Variants in RGS6 observed in about 807,000 individuals in gnomAD.
The protein encoded by RGS6 is regulator of G-protein signaling 6.
Under a neutral mutation model 78.5 loss-of-function variants are expected in RGS6, and 30 were observed. That is an observed-to-expected ratio of 0.38 (90% CI 0.29 to 0.52). RGS6 has a LOEUF of 0.52. Among genes scored for constraint, RGS6 ranks in the 20% least tolerant of loss-of-function variants. RGS6 has a pLI of 0.85. For synonymous variants in RGS6, 206 were observed against 206.0 expected (o/e 1.00, Z 0.00); for missense variants, 495 against 609.7 (o/e 0.81, Z 1.98).
the RGS6 span, among the ~76,000 whole-genome samples, chr14:72,581,183 T>C: frequency 6.6e-6 from 1 of 152,140 alleles, no homozygotes. Context: ...TCTAGGCCAC[T>C]TAGTGGATCT....
rs185461125 is a variant in RGS6, at chr14:71,974,739, A to G, written c.84+9864A>G. On this transcript the variant is annotated intron_variant, in intron 2 of 17. Transcript: ENST00000553525. ...GGTTTACTCAAAAGTGATTTTTTCC[A>G]TTGCTCTTTATTATTTTCTGCATCT... is the stretch of plus-strand genomic sequence containing the variant. Among the ~76,000 whole-genome samples the G allele has an allele frequency of 2.0e-5, 3 of 152,280 alleles. No individual in the cohort carries two copies. The East Asian group carries it at 5.8e-4, about 29-fold the overall frequency.
chr14:72,216,752 TTCTC>T (rs1327011287), intron 2 of RGS6, among the ~76,000 whole-genome samples: 2 of 152,076 alleles, frequency 1.3e-5, no homozygotes, highest in Non-Finnish European at 2.9e-5. Flanking sequence ...AGGTGTGTGT[TTCTC>T]TCTCTCTGGT....
At chr14:71,876,629 G>A in the RGS6 span, among the ~76,000 whole-genome samples, 68 of 151,470 alleles carry the variant, frequency 4.5e-4, no homozygotes, top group East Asian at 2.7e-3. Context: ...CTCTTTATCC[G>A]ATTTGCCAGT....
At position 72,565,339 on chromosome 14, in the gene RGS6, T is replaced by A. The variant is rs1262504638; in HGVS notation, c.*2872T>A. 2 of 152,138 alleles carry A rather than the reference T, an allele frequency of 1.3e-5. No individual in the cohort carries two copies. Among genetic ancestry groups the A allele is most frequent in the African/African-American group, 4.8e-5 (2 of 41,388 alleles). 9.4% of individuals were successfully genotyped at this position (152,138 alleles called of 1,614,324 possible). ...AAGGCACCAGGCACTGGCATCTGAC[T>A]AAAATAACCTTTCCCTACATGGGAA... On this transcript the variant is annotated 3_prime_UTR_variant, in exon 18 of 18. Transcript: ENST00000553525.
intron 14 of RGS6, 116 bp downstream of exon 14, chr14:72,510,395 C>G: frequency 1.5e-6 from 2 of 1,334,468 alleles, no homozygotes; most frequent in Non-Finnish European, 1.1e-6. Flanking sequence ...ATTCAAATGC[C>G]AGCTAATCTG....
At chr14:72,132,649 ACT>A (rs543349226) in intron 2 of RGS6, among the ~76,000 whole-genome samples, 4 of 147,702 alleles carry the variant, frequency 2.7e-5, no homozygotes, top group Non-Finnish European at 4.5e-5. Flanking sequence ...CACTTCACAC[ACT>A]CTTTTTTTTT....
intron 2 of RGS6, chr14:71,990,835 C>G (rs56775021): frequency 2.2e-6 from 1 of 456,058 alleles, no homozygotes; most frequent in African/African-American, 2.0e-5. Flanking sequence ...ACAAACATAA[C>G]AGGTAGAACA....
At chr14:72,001,497 C>G (rs968940525) in intron 2 of RGS6, among the ~76,000 whole-genome samples, 1 of 150,816 alleles carries the variant, frequency 6.6e-6, no homozygotes, top group Non-Finnish European at 1.5e-5. Context: ...CACACACACA[C>G]ACACACACAC....
chr14:72,108,655 T>G (rs1480226007), intron 2 of RGS6, among the ~76,000 whole-genome samples: 2 of 152,068 alleles, frequency 1.3e-5, no homozygotes, highest in Non-Finnish European at 2.9e-5. Flanking sequence ...CCTTCTACTT[T>G]TGAAGTTATT....
At chr14:71,968,066 A>G (rs1343214457) in intron 2 of RGS6, among the ~76,000 whole-genome samples, 2 of 152,196 alleles carry the variant, frequency 1.3e-5, no homozygotes, top group African/African-American at 4.8e-5. Flanking sequence ...TATTGGTCAC[A>G]TTAAAGATCT....
At chr14:72,020,215 T>C (rs2088086652) in intron 2 of RGS6, among the ~76,000 whole-genome samples, 1 of 152,242 alleles carries the variant, frequency 6.6e-6, no homozygotes, top group Non-Finnish European at 1.5e-5. Context: ...AGTGAGCTCT[T>C]GTGAACTCTG....
At chr14:72,507,047 T>C (rs1484338959) in intron 13 of RGS6, among the ~76,000 whole-genome samples, 1 of 139,482 alleles carries the variant, frequency 7.2e-6, no homozygotes, top group Non-Finnish European at 1.5e-5. Flanking sequence ...CGGGTGCCTG[T>C]AGTCCCAGCT....
chr14:72,331,976 G>A (rs561709323), intron 2 of RGS6, among the ~76,000 whole-genome samples: 4 of 152,300 alleles, frequency 2.6e-5, no homozygotes, highest in South Asian at 2.1e-4. Flanking sequence ...TAAATGATGT[G>A]TAAAATCACC....
At chr14:71,997,074 A>G (rs1357830914) in intron 2 of RGS6, among the ~76,000 whole-genome samples, 2 of 146,366 alleles carry the variant, frequency 1.4e-5, no homozygotes, top group African/African-American at 5.0e-5. Context: ...TATTGCAGCA[A>G]TCTTGAGAGA....
At chr14:72,080,449 G>A (rs990973537) in intron 2 of RGS6, among the ~76,000 whole-genome samples, 1 of 152,030 alleles carries the variant, frequency 6.6e-6, no homozygotes, top group African/African-American at 2.4e-5. Context: ...ATTATGATTT[G>A]CAAATATATT....
At chr14:71,953,717 C>A (rs937344328) in intron 1 of RGS6, among the ~76,000 whole-genome samples, 1 of 151,884 alleles carries the variant, frequency 6.6e-6, no homozygotes, top group African/African-American at 2.4e-5. Flanking sequence ...TTCTTTTAGA[C>A]CAATTATGAA....
At chr14:72,489,933 T>C (rs2096555666) in intron 12 of RGS6, among the ~76,000 whole-genome samples, 1 of 152,226 alleles carries the variant, frequency 6.6e-6, no homozygotes, top group Admixed American at 6.5e-5. Context: ...CCATTTCTTT[T>C]ATAAAGAATT....
At chr14:72,052,962 TTTC>T (rs1293668317) in intron 2 of RGS6, among the ~76,000 whole-genome samples, 21 of 42,814 alleles carry the variant, frequency 4.9e-4, no homozygotes, top group African/African-American at 1.1e-3. Flanking sequence ...TCTTTCTTTC[TTTC>T]TTTCTTTCTT....
At chr14:72,597,685 A>T in the RGS6 span, among the ~76,000 whole-genome samples, 1 of 152,220 alleles carries the variant, frequency 6.6e-6, no homozygotes, top group Non-Finnish European at 1.5e-5. Context: ...AGATCAGGGT[A>T]ATCCATCATC....
Sources: gnomAD v4.1 joint callset for allele counts (sites outside exome capture counted in the v4.1 genomes callset) on GRCh38, gnomAD v4.1.1 for gene constraint, MANE v1.5 for transcripts, NCBI Gene and HGNC (gene_info 2026-07-23, HGNC 2026-07-21) for gene names.